Variants in SYNE2 observed in about 807,000 individuals in gnomAD.
SYNE2 encodes the protein nesprin-2.
A neutral mutation model predicts 856.3 loss-of-function variants in SYNE2; 431 were observed. The observed-to-expected ratio is 0.50, with a 90% confidence interval of 0.47 to 0.55. The LOEUF is 0.55. SYNE2 is among the 20% of genes least tolerant of loss of function. The probability of loss-of-function intolerance (pLI) is 0.00; values close to 1 mark genes in which losing one functional copy is unlikely to be tolerated. For synonymous variants in SYNE2, 2,923 were observed against 2,872.3 expected (o/e 1.02, Z -0.56); for missense variants, 8,129 against 8,023.2 (o/e 1.01, Z -0.50).
intron 100 of SYNE2, 96 bp from the exon 101 acceptor site, chr14:64,208,662 G>A (rs1182420290): frequency 4.6e-6 from 6 of 1,304,038 alleles, no homozygotes; most frequent in Non-Finnish European, 6.6e-6. Flanking sequence ...TATCCCCTGA[G>A]CTGGGAGAAG....
At chr14:63,850,139 C>T (rs34556545), upstream of SYNE2, among the ~76,000 whole-genome samples, 9,770 of 147,466 alleles carry the variant, frequency 0.066, 344 homozygotes, top group Admixed American at 0.1. Context: ...TGGAGTGCAA[C>T]GGCATGATCT....
chr14:64,024,464 G>A lies in SYNE2; in HGVS notation c.5840+5G>A. On this transcript the variant is annotated splice_donor_5th_base_variant and intron_variant, in intron 39 of 115. Transcript: ENST00000555002. Reference sequence around the variant, plus strand: ...CTCCTTGCAGCAGCTACTGAGGTAGGAAATAAAGATGATATCTAAATAACA... The same window carrying A: ...CTCCTTGCAGCAGCTACTGAGGTAGAAAATAAAGATGATATCTAAATAACA... The A allele has an allele frequency of 6.2e-7, 1 of 1,613,036 alleles. No individual in the cohort carries two copies. The highest frequency in any genetic ancestry group is 8.5e-7 in the Non-Finnish European group (1 of 1,179,260).
intron 48 of SYNE2, among the ~76,000 whole-genome samples, chr14:64,054,624 T>G (rs1470406700): frequency 6.6e-6 from 1 of 152,202 alleles, no homozygotes; most frequent in Non-Finnish European, 1.5e-5. Context: ...TTGTATTGAC[T>G]GTATCTGTTT....
intron 2 of SYNE2, among the ~76,000 whole-genome samples, chr14:63,937,418 G>T (rs924981670): frequency 6.6e-6 from 1 of 152,198 alleles, no homozygotes; most frequent in Non-Finnish European, 1.5e-5. Flanking sequence ...ATGTTCTTGC[G>T]TTGGAGCACA....
At chr14:63,903,575 C>T (rs2095366200) in intron 1 of SYNE2, among the ~76,000 whole-genome samples, 1 of 152,228 alleles carries the variant, frequency 6.6e-6, no homozygotes, top group Non-Finnish European at 1.5e-5. Flanking sequence ...ACAATCCTCC[C>T]ACCTCAGACT....
intron 2 of SYNE2, among the ~76,000 whole-genome samples, chr14:63,918,134 A>G (rs2095553878): frequency 1.3e-5 from 2 of 152,170 alleles, no homozygotes; most frequent in African/African-American, 4.8e-5. Flanking sequence ...TGGGGGTGTA[A>G]TTATTCAGAG....
Position 64,033,962 on chromosome 14 carries a change from T to C in SYNE2, c.7221+2605T>C, listed in dbSNP as rs577630888. Among the ~76,000 whole-genome samples, 10 of 152,360 alleles carry C rather than the reference T, an allele frequency of 6.6e-5. No individual in the cohort carries two copies. The South Asian group carries it at 2.1e-3, about 32-fold the overall frequency. On this transcript the variant is annotated intron_variant, in intron 45 of 115. Transcript: ENST00000555002. The stretch of plus-strand genomic sequence containing the variant: ...TTTTCTGTATCTGTATGGCTTATTT[T>C]CTCTGAGTACTGGCTGTATTTTCTT...
chr14:64,120,833 T>A, intron 67 of SYNE2, 94 bp from the exon 68 acceptor site: 2 of 1,308,124 alleles, frequency 1.5e-6, no homozygotes, highest in East Asian at 4.6e-5. Flanking sequence ...TTATTTCATG[T>A]AAAATTTTTC....
At chr14:64,020,226 C>G in intron 35 of SYNE2, 133 bp downstream of exon 35, 1 of 677,016 alleles carries the variant, frequency 1.5e-6, no homozygotes, top group Non-Finnish European at 2.6e-6. Context: ...ATTAAAGATT[C>G]TCTATAACAG....
chr14:63,916,905 G>A (rs1448286102), intron 2 of SYNE2, among the ~76,000 whole-genome samples: 1 of 151,826 alleles, frequency 6.6e-6, no homozygotes, highest in Admixed American at 6.6e-5. Context: ...GCAATGTAGT[G>A]AGACCCCTCT....
At chr14:64,094,489 T>C (rs576302790) in intron 61 of SYNE2, among the ~76,000 whole-genome samples, 5 of 152,316 alleles carry the variant, frequency 3.3e-5, no homozygotes, top group African/African-American at 9.6e-5. Flanking sequence ...AAAACGTGAT[T>C]GTATGCTAAG....
chr14:63,980,240 C>T (rs538720151), intron 14 of SYNE2, among the ~76,000 whole-genome samples: 19 of 152,150 alleles, frequency 1.2e-4, no homozygotes, highest in African/African-American at 4.3e-4. Context: ...TGATGGATAT[C>T]TTTTTGTAAC....
At chr14:64,215,972 G>A (rs1371894467) in intron 107 of SYNE2, 3 of 1,379,728 alleles carry the variant, frequency 2.2e-6, no homozygotes, top group Non-Finnish European at 9.4e-7. Context: ...GCCACTCAGT[G>A]TCCCTACCAC....
At chr14:64,130,462 A>G (rs1230485464) in intron 76 of SYNE2, among the ~76,000 whole-genome samples, 2 of 152,232 alleles carry the variant, frequency 1.3e-5, no homozygotes, top group African/African-American at 4.8e-5. Flanking sequence ...AGTTCCTTAC[A>G]TTCACAGAGC....
At chr14:63,991,758 A>G (rs1000219083) in intron 21 of SYNE2, among the ~76,000 whole-genome samples, 1 of 152,170 alleles carries the variant, frequency 6.6e-6, no homozygotes, top group Non-Finnish European at 1.5e-5. Context: ...AGCAAATTGG[A>G]GAGGTAGAGT....
At chr14:64,114,629 T>C (rs1202887290) in intron 66 of SYNE2, among the ~76,000 whole-genome samples, 1 of 151,916 alleles carries the variant, frequency 6.6e-6, no homozygotes, top group African/African-American at 2.4e-5. Context: ...TCAGTTCTTT[T>C]TTTTTTTTTT....
rs1260314085 is a variant in SYNE2 at position 64,049,707 on chromosome 14, C to T, written c.7474C>T (p.His2492Tyr). The T allele has an allele frequency of 1.9e-6, 3 of 1,614,080 alleles. No homozygotes were observed. Among genetic ancestry groups the T allele is most frequent in the Non-Finnish European group, 2.5e-6 (3 of 1,180,006 alleles). Residue 2492 changes from histidine (H) to tyrosine (Y), a missense_variant, in exon 47 of 116, where the codon CAC becomes TAC. Coordinates refer to ENST00000555002, the MANE Select transcript of SYNE2 (RefSeq NM_182914.3). ...AACAGAAACTGGGGCCTTGGTTCTCCACAATATAGGATATTCGGCACAGCA... is the reference window on the plus strand; with the variant it reads ...AACAGAAACTGGGGCCTTGGTTCTCTACAATATAGGATATTCGGCACAGCA... Reference protein sequence around the residue: ...NKTETGALVLHNIGYSAQHLD... With the variant: ...NKTETGALVLYNIGYSAQHLD...
rs746716168 is a variant in SYNE2, at chr14:64,218,354, C to G, written c.19543-44C>G. 4 of 1,523,644 alleles carry G rather than the reference C, an allele frequency of 2.6e-6. 1 individual carries two copies. In the South Asian group the frequency reaches 3.4e-5, roughly 13 times the overall value. 94.4% of individuals were successfully genotyped at this position (1,523,644 alleles called of 1,614,324 possible). ...ATGAATCCAGTTGTTCTTCAGATATCCTTCATATCTACAGATGGTAACTTA... is the reference window on the plus strand; with the variant it reads ...ATGAATCCAGTTGTTCTTCAGATATGCTTCATATCTACAGATGGTAACTTA... On this transcript the variant is annotated intron_variant, in intron 108 of 115. Coordinates refer to ENST00000555002, the MANE Select transcript of SYNE2 (RefSeq NM_182914.3).
chr14:63,996,616 T>G (rs1486573569), intron 23 of SYNE2, among the ~76,000 whole-genome samples: 1 of 152,122 alleles, frequency 6.6e-6, no homozygotes, highest in Non-Finnish European at 1.5e-5. Context: ...CCCCTTTTAC[T>G]TGGAGAACTT....
Sources: gnomAD v4.1 joint callset for allele counts (sites outside exome capture counted in the v4.1 genomes callset) on GRCh38, gnomAD v4.1.1 for gene constraint, MANE v1.5 for transcripts, NCBI Gene and HGNC (gene_info 2026-07-23, HGNC 2026-07-21) for gene names.